The following STK32B variants were observed in gnomAD, a reference collection of about 807,000 sequenced individuals.
The protein encoded by STK32B is serine/threonine kinase 32B, also known as serine/threonine-protein kinase 32B.
Under a neutral mutation model 52.6 loss-of-function variants are expected in STK32B, and 43 were observed. The ratio of observed to expected loss-of-function variants is 0.82; its 90% CI spans 0.64 to 1.05. The LOEUF is 1.05. STK32B is among the 50% of genes least tolerant of loss of function. The probability of loss-of-function intolerance (pLI) is 0.00; values close to 1 mark genes in which losing one functional copy is unlikely to be tolerated. For missense variants in STK32B, 621 were observed against 534.6 expected, an observed-to-expected ratio of 1.16 and a Z score of -1.59; for synonymous variants, 238 against 204.3, an observed-to-expected ratio of 1.17 and a Z score of -1.41.
chr4:5,115,150 T>C (rs1295924330), intron 1 of STK32B, among the ~76,000 whole-genome samples: 3 of 152,144 alleles, frequency 2.0e-5, no homozygotes, highest in African/African-American at 7.2e-5. Flanking sequence ...CTGTCCTGCA[T>C]TTTTGGTTGA....
intron 3 of STK32B, among the ~76,000 whole-genome samples, chr4:5,180,671 A>G (rs1022379937): frequency 6.6e-6 from 1 of 152,188 alleles, no homozygotes; most frequent in Non-Finnish European, 1.5e-5. Flanking sequence ...CCACCGCTTT[A>G]TATTAATGAT....
chr4:5,219,234 G>A (rs959725027), intron 3 of STK32B, among the ~76,000 whole-genome samples: 4 of 152,224 alleles, frequency 2.6e-5, no homozygotes, highest in Admixed American at 2.6e-4. Context: ...CAGTCTTGGG[G>A]CAGATGCTGG....
At chr4:5,249,024 A>G (rs1725679068) in intron 3 of STK32B, among the ~76,000 whole-genome samples, 1 of 152,156 alleles carries the variant, frequency 6.6e-6, no homozygotes. Flanking sequence ...ACATGTATAC[A>G]TATGTAACAA....
At chr4:5,183,831 C>T (rs1402769099) in intron 3 of STK32B, among the ~76,000 whole-genome samples, 1 of 152,152 alleles carries the variant, frequency 6.6e-6, no homozygotes, top group Non-Finnish European at 1.5e-5. Context: ...CCTCCTGAAC[C>T]AACCTCTGCT....
At chr4:5,224,932 T>C (rs1723770166) in intron 3 of STK32B, among the ~76,000 whole-genome samples, 1 of 152,188 alleles carries the variant, frequency 6.6e-6, no homozygotes, top group African/African-American at 2.4e-5. Context: ...TGTTAGCTAA[T>C]TTTTATTAAA....
chr4:5,471,684 C>A (rs189688354), intron 11 of STK32B, among the ~76,000 whole-genome samples: 1 of 151,994 alleles, frequency 6.6e-6, no homozygotes, highest in East Asian at 1.9e-4. Context: ...TGGGGACCAG[C>A]GTTTTAATAT....
At chr4:5,210,342 CG>C (rs1722835872) in intron 3 of STK32B, among the ~76,000 whole-genome samples, 1 of 152,170 alleles carries the variant, frequency 6.6e-6, no homozygotes, top group Non-Finnish European at 1.5e-5. Context: ...CCCATCTCCT[CG>C]GGCCATGCAC....
chr4:5,135,305 G>C (rs1042537931), intron 1 of STK32B, among the ~76,000 whole-genome samples: 7 of 152,186 alleles, frequency 4.6e-5, no homozygotes, highest in African/African-American at 1.7e-4. Context: ...CAGAGAGCCT[G>C]AGTGACTTCC....
At chr4:5,157,381 A>G (rs1388370875) in intron 2 of STK32B, among the ~76,000 whole-genome samples, 1 of 152,054 alleles carries the variant, frequency 6.6e-6, no homozygotes, top group African/African-American at 2.4e-5. Context: ...AGACTGACAT[A>G]TAAACAATAA....
At position 5,466,690 on chromosome 4, in the gene STK32B, T is replaced by C. The variant is rs1358266571; in HGVS notation, c.910-13T>C. ...CGCAGACAGACCATGTTTTCTTTTC[T>C]ACTCCCCTTTAGAAAGGGAGGTTGA... On this transcript the variant is annotated splice_polypyrimidine_tract_variant and intron_variant, in intron 9 of 11. Coordinates refer to ENST00000282908, the MANE Select transcript of STK32B (RefSeq NM_018401.3). The C allele has an allele frequency of 6.2e-7, 1 of 1,607,350 alleles. No homozygotes were observed. The highest frequency in any genetic ancestry group is 8.5e-7 in the Non-Finnish European group (1 of 1,176,830).
intron 2 of STK32B, among the ~76,000 whole-genome samples, chr4:5,159,554 T>TGA (rs1226368790): frequency 8.7e-5 from 8 of 91,544 alleles, no homozygotes; most frequent in African/African-American, 3.0e-4. Flanking sequence ...TATATATGAA[T>TGA]ATATATGAAT....
intron 4 of STK32B, among the ~76,000 whole-genome samples, chr4:5,352,972 C>T (rs1294825011): frequency 6.6e-6 from 1 of 151,990 alleles, no homozygotes; most frequent in Non-Finnish European, 1.5e-5. Context: ...GCATAAAGGA[C>T]AAAGCTTGAG....
Position 5,499,660 on chromosome 4 carries a change from T to TAAGA in STK32B, c.*578_*581dup, listed in dbSNP as rs1204239343. On this transcript the variant is annotated 3_prime_UTR_variant, in exon 12 of 12. Coordinates refer to ENST00000282908, the MANE Select transcript of STK32B (RefSeq NM_018401.3). Reference sequence around the variant, plus strand: ...CTGGCAGGCCACAGTCCTGAGCTTGTAAGATGGTGCAGCATGCAGACCAGA... The same window carrying TAAGA: ...CTGGCAGGCCACAGTCCTGAGCTTGTAAGAAAGATGGTGCAGCATGCAGACCAGA... 4 of 152,244 alleles carry TAAGA rather than the reference T, an allele frequency of 2.6e-5. No homozygotes were observed. The highest frequency in any genetic ancestry group is 2.0e-4 in the Admixed American group (3 of 15,272). The allele number at this position is 152,244 out of a possible 1,614,324, so 9.4% of individuals were successfully genotyped here.
At chr4:5,272,132 G>C (rs1191098385) in intron 3 of STK32B, among the ~76,000 whole-genome samples, 6 of 145,930 alleles carry the variant, frequency 4.1e-5, no homozygotes, top group South Asian at 2.2e-4. Flanking sequence ...TATGATATTG[G>C]CTGTGGGTTT....
intron 6 of STK32B, among the ~76,000 whole-genome samples, chr4:5,444,077 A>AGGT (rs1715091235): frequency 6.6e-6 from 1 of 152,184 alleles, no homozygotes; most frequent in African/African-American, 2.4e-5. Flanking sequence ...CTGCCCCCAG[A>AGGT]GGTGGAGCCT....
intron 11 of STK32B, among the ~76,000 whole-genome samples, chr4:5,477,958 A>G (rs919235135): frequency 6.6e-6 from 1 of 152,054 alleles, no homozygotes; most frequent in Non-Finnish European, 1.5e-5. Flanking sequence ...CCTCACCCTT[A>G]AGCCAGCTGA....
intron 11 of STK32B, among the ~76,000 whole-genome samples, chr4:5,476,885 C>T (rs1240924716): frequency 2.6e-5 from 4 of 151,476 alleles, no homozygotes; most frequent in African/African-American, 9.7e-5. Context: ...AGAGAGGCTG[C>T]CACAACCCAA....
intron 4 of STK32B, among the ~76,000 whole-genome samples, chr4:5,376,444 G>A (rs1735593508): frequency 6.7e-6 from 1 of 149,252 alleles, no homozygotes; most frequent in African/African-American, 2.5e-5. Flanking sequence ...CCCTCTCATT[G>A]CTCCCATTTT....
intron 4 of STK32B, among the ~76,000 whole-genome samples, chr4:5,392,616 C>T (rs545660688): frequency 1.3e-5 from 2 of 152,140 alleles, no homozygotes; most frequent in Admixed American, 6.5e-5. Context: ...TTACCTCTAC[C>T]GGTGTTTGAC....
Sources: allele counts gnomAD v4.1 joint callset (sites outside exome capture counted in the v4.1 genomes callset), GRCh38; gene constraint gnomAD v4.1.1; transcripts MANE v1.5; gene names NCBI Gene and HGNC (gene_info 2026-07-23, HGNC 2026-07-21).